COL5A2: variants seen among roughly 807,000 people sequenced by gnomAD.
COL5A2 encodes the protein collagen alpha-2(V) chain.
In COL5A2, 23 loss-of-function variants were observed where a neutral mutation model predicts 208.2. That is an observed-to-expected ratio of 0.11 (90% confidence interval 0.08 to 0.16). The LOEUF (loss-of-function observed/expected upper bound fraction) is 0.16, where lower values mean the gene tolerates loss of function less well. Ranked by LOEUF, COL5A2 falls within the 10% of genes least tolerant of loss-of-function variation. The pLI is 1.00. For missense variants in COL5A2, 1,590 were observed against 1,956.4 expected (o/e 0.81, Z 3.53); for synonymous variants, 625 against 628.5 (o/e 0.99, Z 0.08).
At chr2:189,334,228 T>G in the COL5A2 span, among the ~76,000 whole-genome samples, 1 of 151,938 alleles carries the variant, frequency 6.6e-6, no homozygotes, top group Admixed American at 6.6e-5. Context: ...CTTCCCTCAT[T>G]ACTTCATGAT....
intron 16 of COL5A2, among the ~76,000 whole-genome samples, chr2:189,076,675 C>T (rs1686412273): frequency 6.6e-6 from 1 of 152,126 alleles, no homozygotes; most frequent in Non-Finnish European, 1.5e-5. Context: ...TATGAGAGCT[C>T]TTGGGATGGC....
At chr2:189,103,883 TCCTTCCTCCTTC>T (rs1246884125) in intron 3 of COL5A2, among the ~76,000 whole-genome samples, 1 of 152,070 alleles carries the variant, frequency 6.6e-6, no homozygotes, top group Non-Finnish European at 1.5e-5. Context: ...CTCACTTTCT[TCCTTCCTCCTTC>T]CCTTCCTCCT....
chr2:189,371,903 A>G, the COL5A2 span, among the ~76,000 whole-genome samples: 1 of 152,252 alleles, frequency 6.6e-6, no homozygotes, highest in Non-Finnish European at 1.5e-5. Context: ...TAACATGACT[A>G]AAATGGAGCC....
the COL5A2 span, among the ~76,000 whole-genome samples, chr2:189,421,830 T>C: frequency 1.3e-5 from 2 of 152,148 alleles, no homozygotes; most frequent in African/African-American, 4.8e-5. Context: ...CTTAGCAATG[T>C]ACCAGCCTCT....
the COL5A2 span, among the ~76,000 whole-genome samples, chr2:189,407,477 T>C: frequency 6.6e-6 from 1 of 152,188 alleles, no homozygotes; most frequent in Non-Finnish European, 1.5e-5. Context: ...ATTTACCTTC[T>C]TCAAAACATA....
the COL5A2 span, among the ~76,000 whole-genome samples, chr2:189,438,190 TAA>T: frequency 7.8e-6 from 1 of 128,998 alleles, no homozygotes. Flanking sequence ...ATGGCTAAAA[TAA>T]AAAAAAAAAA....
chr2:189,373,766 A>G, the COL5A2 span, among the ~76,000 whole-genome samples: 2 of 152,214 alleles, frequency 1.3e-5, no homozygotes, highest in African/African-American at 4.8e-5. Context: ...GAGAGCAAAA[A>G]TGAATGCAGC....
In COL5A2 at chr2:189,057,256, T is replaced by A. The variant is rs144976006; in HGVS notation, c.2337+64A>T. On this transcript the variant is annotated intron_variant, in intron 34 of 53. Coordinates refer to ENST00000374866, the MANE Select transcript of COL5A2 (RefSeq NM_000393.5). ...AATAAAAGCCTGCTCAAGAAATCAT[T>A]TCATTTTCAGCAGAAAGTCTGAATA... 63 of 1,203,974 alleles carry A rather than the reference T, an allele frequency of 5.2e-5. No individual in the cohort carries two copies. In the East Asian group the frequency reaches 1.4e-3, roughly 28 times the overall value. The allele number at this position is 1,203,974 out of a possible 1,614,324, so 74.6% of individuals were successfully genotyped here.
At chr2:189,139,231 C>T (rs866639575) in intron 1 of COL5A2, among the ~76,000 whole-genome samples, 6 of 152,092 alleles carry the variant, frequency 3.9e-5, no homozygotes, top group South Asian at 2.1e-4. Flanking sequence ...GCTGAGATCA[C>T]GCCATTGCAC....
intron 3 of COL5A2, among the ~76,000 whole-genome samples, chr2:189,101,758 T>C (rs72906383): frequency 0.084 from 12,746 of 152,086 alleles, 615 homozygotes; most frequent in South Asian, 0.16. Flanking sequence ...GCGAATACTC[T>C]GGAAGTAAGG....
chr2:189,350,476 A>C, the COL5A2 span, among the ~76,000 whole-genome samples: 6 of 152,232 alleles, frequency 3.9e-5, no homozygotes, highest in Non-Finnish European at 7.3e-5. Context: ...ATATAATTAC[A>C]TAAAGCAAAG....
rs909290543 is a variant in COL5A2, at chr2:189,064,941, T to C, written c.1617+63A>G. The C allele has an allele frequency of 5.3e-6, 8 of 1,516,534 alleles. No individual in the cohort carries two copies. In the East Asian group the frequency reaches 1.8e-4, roughly 35 times the overall value. 93.9% of individuals were successfully genotyped at this position (1,516,534 alleles called of 1,614,324 possible). On this transcript the variant is annotated intron_variant, in intron 24 of 53. Transcript: ENST00000374866. ...GCAGGCCATAGCTAGATCACCGTGC[T>C]GAAAAATGGCATCTTCTGGAGCACC... is the stretch of plus-strand genomic sequence containing the variant.
chr2:189,058,323 C>T, intron 33 of COL5A2, 106 bp downstream of exon 33: 1 of 926,168 alleles, frequency 1.1e-6, no homozygotes, highest in Admixed American at 1.9e-5. Flanking sequence ...ATGATATAAT[C>T]AAATTATCTT....
chr2:189,279,892 C>A, the COL5A2 span, among the ~76,000 whole-genome samples: 1 of 152,124 alleles, frequency 6.6e-6, no homozygotes, highest in Admixed American at 6.6e-5. Flanking sequence ...CAAATGTTGA[C>A]ATCTAATCCC....
chr2:189,087,107 CAT>C (rs1686679653), intron 8 of COL5A2, among the ~76,000 whole-genome samples: 1 of 152,174 alleles, frequency 6.6e-6, no homozygotes, highest in African/African-American at 2.4e-5. Context: ...TCTTGGCTGA[CAT>C]AAGTTAGTTC....
At chr2:189,120,633 T>C (rs1466067483) in intron 1 of COL5A2, among the ~76,000 whole-genome samples, 1 of 152,190 alleles carries the variant, frequency 6.6e-6, no homozygotes, top group African/African-American at 2.4e-5. Context: ...TGGTGTCCTA[T>C]TTGATAATGA....
intron 37 of COL5A2, 95 bp from the exon 38 acceptor site, chr2:189,053,572 T>C (rs1393184451): frequency 2.7e-6 from 3 of 1,125,314 alleles, no homozygotes; most frequent in South Asian, 1.3e-5. Flanking sequence ...TAGTTAGACA[T>C]GTAAATATAG....
chr2:189,280,810 C>A, the COL5A2 span, among the ~76,000 whole-genome samples: 1 of 152,056 alleles, frequency 6.6e-6, no homozygotes, highest in Non-Finnish European at 1.5e-5. Flanking sequence ...AGCAAGAATA[C>A]AATTCTCAAT....
At chr2:189,182,020 T>A (rs1368921704), upstream of COL5A2, among the ~76,000 whole-genome samples, 2 of 152,212 alleles carry the variant, frequency 1.3e-5, no homozygotes, top group African/African-American at 4.8e-5. Flanking sequence ...AATCAAGTCA[T>A]AAATAGCAAA....
Sources: gnomAD v4.1 joint callset for allele counts (sites outside exome capture counted in the v4.1 genomes callset) on GRCh38, gnomAD v4.1.1 for gene constraint, MANE v1.5 for transcripts, NCBI Gene and HGNC (gene_info 2026-07-23, HGNC 2026-07-21) for gene names.